Variants in SGCD observed in about 807,000 individuals in gnomAD.
SGCD encodes the protein sarcoglycan delta, also known as delta-sarcoglycan.
In SGCD, 18 loss-of-function variants were observed where a neutral mutation model predicts 36.6. The ratio of observed to expected loss-of-function variants is 0.49; its 90% CI spans 0.34 to 0.73. The LOEUF (loss-of-function observed/expected upper bound fraction) is 0.73. Ranked by LOEUF, SGCD falls within the 30% of genes least tolerant of loss-of-function variation. SGCD has a pLI of 0.01. For synonymous variants in SGCD, 133 were observed against 130.6 expected (o/e 1.02, Z -0.12); for missense variants, 387 against 346.7 (o/e 1.12, Z -0.92).
chr5:156,562,657 T>A (rs924908227), intron 4 of SGCD, among the ~76,000 whole-genome samples: 2 of 151,982 alleles, frequency 1.3e-5, no homozygotes, highest in Non-Finnish European at 2.9e-5. Context: ...ACCATTCAAT[T>A]TGCTGTTTTA....
At chr5:155,975,931 T>C (rs1339872552) in intron 1 of SGCD, among the ~76,000 whole-genome samples, 1 of 151,936 alleles carries the variant, frequency 6.6e-6, no homozygotes, top group Non-Finnish European at 1.5e-5. Context: ...CGCTCGGCCA[T>C]GTGTTATTTT....
chr5:156,298,823 C>T (rs1023754565), intron 3 of SGCD, among the ~76,000 whole-genome samples: 11 of 152,066 alleles, frequency 7.2e-5, no homozygotes, highest in Admixed American at 7.2e-4. Context: ...GGTATTGGAG[C>T]TCCTAATATA....
chr5:156,131,125 C>T (rs1411489426), intron 3 of SGCD, among the ~76,000 whole-genome samples: 1 of 152,162 alleles, frequency 6.6e-6, no homozygotes, highest in Non-Finnish European at 1.5e-5. Context: ...TGCTCTAATA[C>T]AAGTCTGTTT....
chr5:155,913,939 CA>C (rs1218520514), intron 1 of SGCD, among the ~76,000 whole-genome samples: 1 of 152,092 alleles, frequency 6.6e-6, no homozygotes, highest in African/African-American at 2.4e-5. Flanking sequence ...AATCTAAACC[CA>C]AAGGTGATGA....
rs1757579022 is a variant in SGCD, at chr5:156,765,929, A to G, written c.*6539A>G. On this transcript the variant is annotated 3_prime_UTR_variant, in exon 9 of 9. Coordinates refer to ENST00000337851, the MANE Select transcript of SGCD (RefSeq NM_000337.6). ...CTCTCACAGTGACAGCATCTATACT[A>G]AAGTATAGATACCTAAGGGGAAAAT... 1 of 152,122 alleles carries G rather than the reference A, an allele frequency of 6.6e-6. No homozygotes were observed. The highest frequency in any genetic ancestry group is 2.4e-5 in the African/African-American group (1 of 41,426). 9.4% of individuals were successfully genotyped at this position (152,122 alleles called of 1,614,324 possible). A position where few individuals can be genotyped will look rare whatever the true frequency, so the allele number is the denominator to read the frequency against.
chr5:156,078,866 T>C (rs1030981685), intron 1 of SGCD, among the ~76,000 whole-genome samples: 2 of 151,000 alleles, frequency 1.3e-5, no homozygotes, highest in African/African-American at 2.4e-5. Context: ...ATATGTTAAG[T>C]TCTATACAAT....
intron 1 of SGCD, among the ~76,000 whole-genome samples, chr5:156,028,123 C>G (rs1474154630): frequency 6.6e-6 from 1 of 152,180 alleles, no homozygotes; most frequent in African/African-American, 2.4e-5. Context: ...TAATAGCACT[C>G]TCTCTAAAGA....
chr5:156,238,243 T>A (rs2127654764), intron 3 of SGCD, among the ~76,000 whole-genome samples: 1 of 152,348 alleles, frequency 6.6e-6, no homozygotes, highest in South Asian at 2.1e-4. Context: ...GCACCTGACC[T>A]AAGATAAATA....
intron 3 of SGCD, among the ~76,000 whole-genome samples, chr5:156,397,196 G>A (rs1438612860): frequency 6.6e-6 from 1 of 152,166 alleles, no homozygotes; most frequent in Non-Finnish European, 1.5e-5. Flanking sequence ...GGAGGAGGGA[G>A]AGAATGAAGT....
At chr5:156,580,733 A>G (rs1760218466) in intron 4 of SGCD, among the ~76,000 whole-genome samples, 1 of 152,160 alleles carries the variant, frequency 6.6e-6, no homozygotes, top group Admixed American at 6.6e-5. Flanking sequence ...TTCTAGTGCC[A>G]TGGTTTTCAG....
intron 1 of SGCD, among the ~76,000 whole-genome samples, chr5:156,082,754 G>A (rs553519734): frequency 1.1e-4 from 16 of 152,254 alleles, no homozygotes; most frequent in Admixed American, 3.3e-4. Flanking sequence ...CATCAGGATC[G>A]CATAAATTGG....
chr5:156,133,222 G>C (rs1039761548), intron 3 of SGCD, among the ~76,000 whole-genome samples: 1 of 152,190 alleles, frequency 6.6e-6, no homozygotes, highest in African/African-American at 2.4e-5. Flanking sequence ...GTGACAAACT[G>C]TAAGTGTTGA....
intron 6 of SGCD, among the ~76,000 whole-genome samples, chr5:156,599,245 T>C (rs551693378): frequency 6.6e-6 from 1 of 152,182 alleles, no homozygotes; most frequent in Non-Finnish European, 1.5e-5. Flanking sequence ...CTTGGGAGGT[T>C]TGAATCTGGT....
At chr5:156,298,576 CTTTTTTTTTTTTT>C (rs924228753) in intron 3 of SGCD, among the ~76,000 whole-genome samples, 1 of 110,520 alleles carries the variant, frequency 9.0e-6, no homozygotes, top group East Asian at 2.7e-4. Flanking sequence ...TTTTTCTTTT[CTTTTTTTTTTTTT>C]TTTTTTTGGA....
At chr5:156,336,154 C>T (rs1277362899) in intron 2 of SGCD, among the ~76,000 whole-genome samples, 1 of 152,204 alleles carries the variant, frequency 6.6e-6, no homozygotes, top group African/African-American at 2.4e-5. Flanking sequence ...TCTGATCTAG[C>T]CACACTGTCC....
intron 6 of SGCD, among the ~76,000 whole-genome samples, chr5:156,644,286 A>G (rs78320311): frequency 6.6e-6 from 1 of 152,200 alleles, no homozygotes; most frequent in African/African-American, 2.4e-5. Context: ...ACATTTTGCA[A>G]ATCTGTATTT....
intron 7 of SGCD, among the ~76,000 whole-genome samples, chr5:156,748,214 G>A (rs1393699022): frequency 4.6e-5 from 7 of 152,168 alleles, no homozygotes; most frequent in African/African-American, 1.7e-4. Context: ...TGCCTCTGGA[G>A]GGTGGTGGGT....
chr5:155,956,798 C>G (rs1238110122), intron 1 of SGCD, among the ~76,000 whole-genome samples: 1 of 58,062 alleles, frequency 1.7e-5, no homozygotes, highest in East Asian at 6.5e-4. Context: ...GGACTCAGGG[C>G]CCCCCCCCCC....
At chr5:156,296,908 TATATG>T (rs1766908117) in intron 3 of SGCD, among the ~76,000 whole-genome samples, 1 of 152,028 alleles carries the variant, frequency 6.6e-6, no homozygotes, top group Non-Finnish European at 1.5e-5. Context: ...ATGCACACTA[TATATG>T]ATATATGAAC....
Sources: gnomAD v4.1 joint callset for allele counts (sites outside exome capture counted in the v4.1 genomes callset) on GRCh38, gnomAD v4.1.1 for gene constraint, MANE v1.5 for transcripts, NCBI Gene and HGNC (gene_info 2026-07-23, HGNC 2026-07-21) for gene names.